The following PPFIBP1 variants were observed in gnomAD, a reference collection of about 807,000 sequenced individuals.
PPFIBP1 encodes PPFIB scaffold protein 1, also known as liprin-beta-1.
PPFIBP1 carries 112 observed loss-of-function variants against 137.8 expected under a neutral mutation model. The ratio of observed to expected loss-of-function variants is 0.81; its 90% CI spans 0.70 to 0.95. PPFIBP1 has a LOEUF of 0.95. PPFIBP1 is among the 40% of genes least tolerant of loss of function. The pLI is 0.00. For synonymous variants in PPFIBP1, 378 were observed against 417.3 expected, an observed-to-expected ratio of 0.91 and a Z score of 1.15; for missense variants, 1,083 against 1,196.6, an observed-to-expected ratio of 0.91 and a Z score of 1.40.
At chr12:27,688,228 T>A in intron 25 of PPFIBP1, 70 bp from the exon 26 acceptor site, 2 of 1,530,164 alleles carry the variant, frequency 1.3e-6, no homozygotes, top group South Asian at 1.2e-5. Context: ...GTAACTGTAC[T>A]CCATGGAGCA....
chr12:27,679,860 T>C, intron 20 of PPFIBP1, 73 bp from the exon 21 acceptor site: 1 of 1,568,970 alleles, frequency 6.4e-7, no homozygotes, highest in Non-Finnish European at 8.7e-7. Context: ...GGTGCACTAG[T>C]TAAAAATGTT....
At chr12:27,664,918 T>C (rs897121172) in intron 12 of PPFIBP1, among the ~76,000 whole-genome samples, 2 of 152,174 alleles carry the variant, frequency 1.3e-5, no homozygotes, top group African/African-American at 4.8e-5. Context: ...TCAGGCGTGG[T>C]GGCCTACGGC....
intron 13 of PPFIBP1, 134 bp from the exon 14 acceptor site, chr12:27,671,297 A>G (rs1221950297): frequency 3.1e-5 from 16 of 520,078 alleles, no homozygotes. Flanking sequence ...TTCTGAAATC[A>G]TTTTATACAG....
intron 2 of PPFIBP1, chr12:27,592,471 C>T: frequency 9.3e-7 from 1 of 1,077,000 alleles, no homozygotes; most frequent in Non-Finnish European, 1.3e-6. Flanking sequence ...TATAGGATGT[C>T]CTAATTCAAG....
chr12:27,567,410 G>C (rs963459564), intron 1 of PPFIBP1, among the ~76,000 whole-genome samples: 11 of 152,220 alleles, frequency 7.2e-5, no homozygotes, highest in Non-Finnish European at 1.3e-4. Context: ...TGCTGGCATA[G>C]AAATTCCTCT....
chr12:27,621,921 G>A (rs1429827048), intron 2 of PPFIBP1, among the ~76,000 whole-genome samples: 4 of 152,122 alleles, frequency 2.6e-5, no homozygotes, highest in African/African-American at 4.8e-5. Context: ...AAGCAGACCT[G>A]AAATTAGACT....
chr12:27,608,590 A>T, intron 2 of PPFIBP1: 1 of 364,688 alleles, frequency 2.7e-6, no homozygotes, highest in Non-Finnish European at 5.2e-6. Flanking sequence ...CCCTTAAAAA[A>T]TGGGTGAGTT....
At position 27,643,012 on chromosome 12, in the gene PPFIBP1, A is replaced by G. The variant is rs1299838921; in HGVS notation, c.271-3050A>G. Among the ~76,000 whole-genome samples the G allele has an allele frequency of 2.0e-5, 3 of 152,020 alleles. No individual in the cohort carries two copies. The East Asian group carries it at 5.8e-4, about 29-fold the overall frequency. ...GAGCTCACACAAGATGGCCTTAACTATTGTCCATTACAAAGGCTCTGAGAT... is the reference window on the plus strand; with the variant it reads ...GAGCTCACACAAGATGGCCTTAACTGTTGTCCATTACAAAGGCTCTGAGAT... On this transcript the variant is annotated intron_variant, in intron 4 of 29. Coordinates refer to ENST00000228425, the MANE Select transcript of PPFIBP1 (RefSeq NM_003622.4).
In PPFIBP1 at chr12:27,576,752, GT is replaced by G. The variant is rs370883869; in HGVS notation, c.-123-1397del. Among the ~76,000 whole-genome samples, 458 of 152,284 alleles carry G rather than the reference GT, an allele frequency of 3.0e-3. 1 individual carries two copies. The highest frequency in any genetic ancestry group is 0.01 in the African/African-American group (419 of 41,544). On this transcript the variant is annotated intron_variant, in intron 1 of 29. Transcript: ENST00000228425. Reference sequence around the variant, plus strand: ...TAATTATTCTTTGGTAACATTGATTGTTTCAGCTCTTTCATAAACAGCTCAA... The same window carrying G: ...TAATTATTCTTTGGTAACATTGATTGTTCAGCTCTTTCATAAACAGCTCAA...
At chr12:27,564,512 G>A (rs1188933330) in intron 1 of PPFIBP1, among the ~76,000 whole-genome samples, 3 of 152,118 alleles carry the variant, frequency 2.0e-5, no homozygotes, top group African/African-American at 7.2e-5. Context: ...TTGATTTCTG[G>A]AAGTTGAATG....
intron 11 of PPFIBP1, 66 bp from the exon 12 acceptor site, chr12:27,664,296 T>C: frequency 1.9e-6 from 2 of 1,041,338 alleles, no homozygotes; most frequent in Non-Finnish European, 1.5e-6. Context: ...TATGCAATTC[T>C]TTATGGAATT....
chr12:27,676,396 G>A (rs2060513482), intron 17 of PPFIBP1, 32 bp from the exon 18 acceptor site: 1 of 1,438,786 alleles, frequency 7.0e-7, no homozygotes, highest in East Asian at 2.5e-5. Context: ...CTGCACCTGA[G>A]AGCTGTTTCA....
At chr12:27,628,023 C>A (rs2056974564) in intron 2 of PPFIBP1, among the ~76,000 whole-genome samples, 1 of 152,080 alleles carries the variant, frequency 6.6e-6, no homozygotes, top group Middle Eastern at 3.2e-3. Context: ...TGACTTTGAA[C>A]CCCAGCTTCA....
chr12:27,694,559 C>G lies in PPFIBP1; in HGVS notation c.*1677C>G, dbSNP rs574850509. The G allele has an allele frequency of 5.3e-5, 8 of 152,036 alleles. 1 individual carries two copies. In the South Asian group the frequency reaches 1.7e-3, roughly 32 times the overall value. The allele number at this position is 152,036 out of a possible 1,614,324, so 9.4% of individuals were successfully genotyped here. On this transcript the variant is annotated 3_prime_UTR_variant, in exon 30 of 30. Transcript: ENST00000228425. The stretch of plus-strand genomic sequence containing the variant: ...TGTCTGAACATTTTATTTCAAAGTT[C>G]AAAAAAACAGAGGCTGCAAAATTCA...
chr12:27,558,047 C>G (rs2048842639), intron 1 of PPFIBP1, among the ~76,000 whole-genome samples: 1 of 152,174 alleles, frequency 6.6e-6, no homozygotes, highest in Non-Finnish European at 1.5e-5. Context: ...TTATCGTACT[C>G]CACAAGACTT....
intron 1 of PPFIBP1, among the ~76,000 whole-genome samples, chr12:27,530,518 T>C (rs1416026945): frequency 6.6e-6 from 1 of 152,220 alleles, no homozygotes; most frequent in Non-Finnish European, 1.5e-5. Flanking sequence ...ATTAAGTTTC[T>C]TTTATTGTTT....
chr12:27,635,413 G>A (rs1437165703), intron 4 of PPFIBP1: 27 of 536,762 alleles, frequency 5.0e-5, no homozygotes, highest in Non-Finnish European at 8.2e-5. Context: ...TCCTGTAAGG[G>A]AAAGAATCTT....
In PPFIBP1 at chr12:27,644,244, GTT is replaced by G. The variant is rs3842650; in HGVS notation, c.271-1794_271-1793del. ...GGCGCACACCACCAAGCTTGGCTAAGTTTTTTTTTTTTTTTTTTTTTTTTTAA... is the reference window on the plus strand; with the variant it reads ...GGCGCACACCACCAAGCTTGGCTAAGTTTTTTTTTTTTTTTTTTTTTTTAA... On this transcript the variant is annotated intron_variant, in intron 4 of 29. Coordinates refer to ENST00000228425, the MANE Select transcript of PPFIBP1 (RefSeq NM_003622.4). Among the ~76,000 whole-genome samples the G allele has an allele frequency of 2.2e-3, 256 of 117,730 alleles. 1 individual carries two copies. Among genetic ancestry groups the G allele is most frequent in the South Asian group, 4.2e-3 (12 of 2,868 alleles). The allele number at this position is 117,730 out of a possible 152,430, so 77.2% of individuals were successfully genotyped here.
chr12:27,559,163 A>C (rs2048952805), intron 1 of PPFIBP1, among the ~76,000 whole-genome samples: 1 of 142,944 alleles, frequency 7.0e-6, no homozygotes. Flanking sequence ...CCACAACACC[A>C]GGCCCTTAAT....
Sources: gnomAD v4.1 joint callset for allele counts (sites outside exome capture counted in the v4.1 genomes callset) on GRCh38, gnomAD v4.1.1 for gene constraint, MANE v1.5 for transcripts, NCBI Gene and HGNC (gene_info 2026-07-23, HGNC 2026-07-21) for gene names.